The following MECOM variants were observed in gnomAD, a reference collection of about 807,000 sequenced individuals.
MECOM encodes the protein histone-lysine N-methyltransferase MECOM.
Under a neutral mutation model 116.3 loss-of-function variants are expected in MECOM, and 13 were observed. The ratio of observed to expected loss-of-function variants is 0.11; its 90% CI spans 0.07 to 0.18. MECOM has a LOEUF of 0.18. MECOM is among the 10% of genes least tolerant of loss of function. The pLI is 1.00. For synonymous variants in MECOM, 528 were observed against 535.2 expected (o/e 0.99, Z 0.19); for missense variants, 1,299 against 1,509.0 (o/e 0.86, Z 2.31).
chr3:169,477,622 G>A (rs1381566736), intron 1 of MECOM, among the ~76,000 whole-genome samples: 2 of 152,146 alleles, frequency 1.3e-5, no homozygotes, highest in African/African-American at 4.8e-5. Context: ...TTTTTCCTTT[G>A]TGGAGCTTCC....
At chr3:169,354,205 A>G (rs1726859378) in intron 2 of MECOM, among the ~76,000 whole-genome samples, 1 of 151,942 alleles carries the variant, frequency 6.6e-6, no homozygotes, top group Non-Finnish European at 1.5e-5. Flanking sequence ...TAATCCTAAC[A>G]CCAAAAATCT....
chr3:169,547,440 A>T (rs897633458), intron 1 of MECOM, among the ~76,000 whole-genome samples: 2 of 152,348 alleles, frequency 1.3e-5, no homozygotes, highest in East Asian at 3.9e-4. Context: ...TTACCCATAC[A>T]TGCCATATGT....
intron 2 of MECOM, among the ~76,000 whole-genome samples, chr3:169,208,361 T>C (rs1750238656): frequency 6.7e-6 from 1 of 150,108 alleles, no homozygotes; most frequent in Non-Finnish European, 1.5e-5. Flanking sequence ...GGTACATTTA[T>C]TAAAATTTGT....
chr3:169,457,864 G>A (rs944760010), intron 1 of MECOM, among the ~76,000 whole-genome samples: 9 of 152,154 alleles, frequency 5.9e-5, no homozygotes, highest in African/African-American at 9.7e-5. Context: ...AAGCATACAC[G>A]AAAATGTGAT....
chr3:169,099,478 T>C (rs1037952815), intron 12 of MECOM, among the ~76,000 whole-genome samples: 1 of 152,174 alleles, frequency 6.6e-6, no homozygotes, highest in Non-Finnish European at 1.5e-5. Flanking sequence ...ATATATCACT[T>C]ATAATTAGTG....
At chr3:169,123,461 T>G (rs1016284529) in intron 5 of MECOM, among the ~76,000 whole-genome samples, 5 of 152,006 alleles carry the variant, frequency 3.3e-5, no homozygotes, top group Non-Finnish European at 7.4e-5. Flanking sequence ...AAGCATAGTT[T>G]CTCTGTTTTA....
chr3:169,214,303 T>C (rs565778642), intron 2 of MECOM, among the ~76,000 whole-genome samples: 3 of 152,004 alleles, frequency 2.0e-5, no homozygotes, highest in East Asian at 3.9e-4. Flanking sequence ...ACATAGTGGA[T>C]GGCTGATATA....
chr3:169,159,483 CG>C (rs1742513811), intron 2 of MECOM, among the ~76,000 whole-genome samples: 2 of 152,004 alleles, frequency 1.3e-5, no homozygotes, highest in South Asian at 4.1e-4. Context: ...TGCTTGAACC[CG>C]GGAGGCAGAA....
At chr3:169,374,907 C>T (rs531434729) in intron 2 of MECOM, among the ~76,000 whole-genome samples, 2 of 151,836 alleles carry the variant, frequency 1.3e-5, no homozygotes, top group African/African-American at 4.8e-5. Context: ...CATGGTGGTA[C>T]ACATCTGTAG....
At chr3:169,626,497 T>C (rs1207902995) in intron 1 of MECOM, among the ~76,000 whole-genome samples, 2 of 152,128 alleles carry the variant, frequency 1.3e-5, no homozygotes, top group East Asian at 3.9e-4. Context: ...TCTCTCTCTC[T>C]CACTCAACAA....
rs1342091392 is a variant in MECOM, at chr3:169,410,024, T to C, written c.38-28500A>G. On this transcript the variant is annotated intron_variant, in intron 1 of 16. Transcript: ENST00000651503. The stretch of plus-strand genomic sequence containing the variant: ...TACAAAAATGAAATCTGAGGCCTAA[T>C]TTGCCTTATAATTCAGAAACTGAGG... 3.3e-5 allele frequency among the ~76,000 whole-genome samples: 5 copies of C among 152,324 alleles called. No homozygotes were observed. The East Asian group carries it at 5.8e-4, about 18-fold the overall frequency.
intron 1 of MECOM, among the ~76,000 whole-genome samples, chr3:169,512,714 G>A (rs190969223): frequency 5.9e-5 from 9 of 152,122 alleles, no homozygotes; most frequent in African/African-American, 1.4e-4. Flanking sequence ...GTGAAATCAC[G>A]AAGTCTTGTC....
At chr3:169,232,622 G>A (rs1301632631) in intron 2 of MECOM, among the ~76,000 whole-genome samples, 1 of 149,374 alleles carries the variant, frequency 6.7e-6, no homozygotes, top group African/African-American at 2.5e-5. Flanking sequence ...ATTTTACATA[G>A]GAATCCAGTA....
chr3:169,094,622 A>G (rs1720921595), intron 13 of MECOM, among the ~76,000 whole-genome samples: 2 of 152,206 alleles, frequency 1.3e-5, no homozygotes, highest in Non-Finnish European at 2.9e-5. Context: ...AACAAAAATT[A>G]CCAAGAGAGG....
chr3:169,481,276 T>G (rs1751239450), intron 1 of MECOM, among the ~76,000 whole-genome samples: 1 of 152,064 alleles, frequency 6.6e-6, no homozygotes, highest in Non-Finnish European at 1.5e-5. Context: ...GAGACAATGT[T>G]GGGATTGGCA....
In MECOM at chr3:169,441,744, T is replaced by TTTTG. The variant is rs1237906532; in HGVS notation, c.38-60221_38-60220insCAAA. 1.6e-4 allele frequency among the ~76,000 whole-genome samples: 23 copies of TTTTG among 142,022 alleles called. 2 individuals carry two copies. In the East Asian group the frequency reaches 4.1e-3, roughly 25 times the overall value. The allele number at this position is 142,022 out of a possible 152,430, so 93.2% of individuals were successfully genotyped here. The stretch of plus-strand genomic sequence containing the variant: ...TCTTCTCTTCTTTTTTTTTTTTTTT[T>TTTTG]AAAAAAGGGGGGGTCTTGCTCTGTC... On this transcript the variant is annotated intron_variant, in intron 1 of 16. Coordinates refer to ENST00000651503, the MANE Select transcript of MECOM (RefSeq NM_004991.4).
At chr3:169,161,096 G>T (rs1742775152) in intron 2 of MECOM, among the ~76,000 whole-genome samples, 1 of 152,128 alleles carries the variant, frequency 6.6e-6, no homozygotes, top group Non-Finnish European at 1.5e-5. Context: ...CTATATCCTG[G>T]CACATCATTT....
chr3:169,509,258 G>A (rs1050261794), intron 1 of MECOM, among the ~76,000 whole-genome samples: 3 of 152,168 alleles, frequency 2.0e-5, no homozygotes, highest in Admixed American at 6.5e-5. Flanking sequence ...TGTGATGATT[G>A]ATGTTCAGAA....
chr3:169,507,623 A>T (rs566377828), intron 1 of MECOM, among the ~76,000 whole-genome samples: 2 of 143,576 alleles, frequency 1.4e-5, no homozygotes, highest in East Asian at 4.1e-4. Flanking sequence ...AAGAGCAAAG[A>T]CCAATTTTGG....
Sources: allele counts gnomAD v4.1 joint callset (sites outside exome capture counted in the v4.1 genomes callset), GRCh38; gene constraint gnomAD v4.1.1; transcripts MANE v1.5; gene names NCBI Gene and HGNC (gene_info 2026-07-23, HGNC 2026-07-21).